The following FYN variants were observed in gnomAD, a reference collection of about 807,000 sequenced individuals.
FYN encodes FYN proto-oncogene, Src family tyrosine kinase.
In FYN, 10 loss-of-function variants were observed where a neutral mutation model predicts 70.2. The ratio of observed to expected loss-of-function variants is 0.14; its 90% CI spans 0.09 to 0.24. The LOEUF (loss-of-function observed/expected upper bound fraction) is 0.24. FYN is among the 10% of genes least tolerant of loss of function. FYN has a pLI of 1.00. For missense variants in FYN, 319 were observed against 673.1 expected, an observed-to-expected ratio of 0.47 and a Z score of 5.82; for synonymous variants, 236 against 248.6, an observed-to-expected ratio of 0.95 and a Z score of 0.48.
intron 2 of FYN, among the ~76,000 whole-genome samples, chr6:111,822,125 A>G (rs1772683442): frequency 6.6e-6 from 1 of 152,228 alleles, no homozygotes; most frequent in Non-Finnish European, 1.5e-5. Flanking sequence ...CCATCCCATT[A>G]CTGGGTATAT....
chr6:111,709,051 C>T (rs1373013231), intron 5 of FYN: 1 of 152,160 alleles, frequency 6.6e-6, no homozygotes, highest in Non-Finnish European at 1.5e-5. Flanking sequence ...TCTGCAGAAC[C>T]TTCCACCAGC....
chr6:111,708,426 G>C (rs1257742675), intron 5 of FYN, among the ~76,000 whole-genome samples: 1 of 152,116 alleles, frequency 6.6e-6, no homozygotes, highest in East Asian at 1.9e-4. Context: ...AGGTCAATAT[G>C]AGCTGCACAG....
At chr6:111,844,914 T>C (rs1773475241) in intron 2 of FYN, 3 of 152,260 alleles carry the variant, frequency 2.0e-5, no homozygotes, top group Admixed American at 2.0e-4. Flanking sequence ...CTTGGTCCTG[T>C]GAAAGGGACC....
rs369898600 is a variant in FYN, at chr6:111,704,194, C to T, written c.444-92G>A. 6 of 964,524 alleles carry T rather than the reference C, an allele frequency of 6.2e-6. No individual in the cohort carries two copies. The Admixed American group carries it at 8.7e-5, about 14-fold the overall frequency. The allele number at this position is 964,524 out of a possible 1,614,324, so 59.7% of individuals were successfully genotyped here. A position where few individuals can be genotyped will look rare whatever the true frequency, so the allele number is the denominator to read the frequency against. The stretch of plus-strand genomic sequence containing the variant: ...TTTTTTTTTGCCCATGAATTCCCCT[C>T]TCCTCCAATTTAGTCCTTAACCTTT... On this transcript the variant is annotated intron_variant, in intron 6 of 13. Coordinates refer to ENST00000354650, the MANE Select transcript of FYN (RefSeq NM_002037.5).
intron 1 of FYN, among the ~76,000 whole-genome samples, chr6:111,855,469 C>T (rs1467681946): frequency 2.0e-5 from 3 of 152,140 alleles, no homozygotes; most frequent in Non-Finnish European, 4.4e-5. Flanking sequence ...GTGGCTATAT[C>T]CTATCGAATG....
intron 3 of FYN, among the ~76,000 whole-genome samples, chr6:111,753,899 C>A (rs1276573458): frequency 6.6e-6 from 1 of 152,164 alleles, no homozygotes; most frequent in Non-Finnish European, 1.5e-5. Flanking sequence ...AGTTGCTTAA[C>A]AAACCAAGCT....
intron 3 of FYN, among the ~76,000 whole-genome samples, chr6:111,755,065 GA>G (rs887722724): frequency 2.0e-5 from 3 of 151,256 alleles, no homozygotes; most frequent in African/African-American, 7.3e-5. Context: ...AGATGGTAAA[GA>G]ATATCTTGAC....
chr6:111,724,020 T>A (rs1487375729), intron 3 of FYN, among the ~76,000 whole-genome samples: 1 of 152,180 alleles, frequency 6.6e-6, no homozygotes, highest in Non-Finnish European at 1.5e-5. Context: ...GATCAAGGTG[T>A]CTGGATTACA....
chr6:111,851,879 T>C (rs1245709287), intron 1 of FYN, among the ~76,000 whole-genome samples: 1 of 149,396 alleles, frequency 6.7e-6, no homozygotes, highest in Non-Finnish European at 1.5e-5. Context: ...GGTTCAGTTT[T>C]GCCAAATCTT....
chr6:111,662,241 T>C (rs531283502), intron 13 of FYN, among the ~76,000 whole-genome samples: 2 of 152,260 alleles, frequency 1.3e-5, no homozygotes, highest in African/African-American at 4.8e-5. Flanking sequence ...AAGGCGCAAC[T>C]ACATCTATAG....
intron 3 of FYN, among the ~76,000 whole-genome samples, chr6:111,768,743 C>T (rs1803327176): frequency 6.6e-6 from 1 of 152,182 alleles, no homozygotes. Context: ...TCTCAGTCAA[C>T]TATTAATATT....
In FYN at chr6:111,694,459, G is replaced by A. The variant is rs1287004633; in HGVS notation, c.1189C>T (p.Leu397=). 2 of 1,614,222 alleles carry A rather than the reference G, an allele frequency of 1.2e-6. No homozygotes were observed. The highest frequency in any genetic ancestry group is 1.7e-6 in the Non-Finnish European group (2 of 1,180,044). ...TTGCATATGAGTCCATTCCCCACTA[G>A]AATGTTTGCTGATCGCAGATCTCTA... ...IHRDLRSANI[L]VGNGLICKIA... Residue 397 remains leucine, a synonymous_variant, in exon 12 of 14, where the codon CTA becomes TTA. Coordinates refer to ENST00000354650, the MANE Select transcript of FYN (RefSeq NM_002037.5). This position sits in a 1 kb window ranked among gnomAD's most constrained non-coding sequence, Gnocchi z 5.0.
chr6:111,683,200 G>A (rs1798848556), intron 12 of FYN, among the ~76,000 whole-genome samples: 2 of 152,238 alleles, frequency 1.3e-5, no homozygotes, highest in Non-Finnish European at 2.9e-5. Context: ...TGGTGGCACT[G>A]CCTTTAGGAA....
chr6:111,816,298 T>G (rs1772487607), intron 2 of FYN, among the ~76,000 whole-genome samples: 1 of 152,142 alleles, frequency 6.6e-6, no homozygotes, highest in Non-Finnish European at 1.5e-5. Flanking sequence ...AAATAAGTCT[T>G]CCTTATGACA....
rs2114519673 is a variant in FYN at position 111,861,345 on chromosome 6, G to A, written c.-123+11623C>T. Among the ~76,000 whole-genome samples the A allele has an allele frequency of 1.3e-5, 2 of 152,250 alleles. 1 individual carries two copies. The highest frequency in any genetic ancestry group is 4.1e-4 in the South Asian group (2 of 4,824). ...TGAGCAGAATGAATAAATACATGAA[G>A]TGGTAACATTATATGCCAGCAAAGG... is the stretch of plus-strand genomic sequence containing the variant. On this transcript the variant is annotated intron_variant, in intron 1 of 13. Coordinates refer to ENST00000354650, the MANE Select transcript of FYN (RefSeq NM_002037.5).
In FYN at chr6:111,873,446, A is replaced by G. The variant is rs1401517949; in HGVS notation, c.-601T>C. ...CGGCTGCTCGCTGCTACTCTTGCTG[A>G]TGCTCTGCCCCTCCAGCTCCGGAGG... On this transcript the variant is annotated 5_prime_UTR_variant, in exon 1 of 14. Coordinates refer to ENST00000354650, the MANE Select transcript of FYN (RefSeq NM_002037.5). 1 of 151,554 alleles carries G rather than the reference A, an allele frequency of 6.6e-6. No individual in the cohort carries two copies. Among genetic ancestry groups the G allele is most frequent in the Non-Finnish European group, 1.5e-5 (1 of 67,874 alleles). The allele number at this position is 151,554 out of a possible 1,614,324, so 9.4% of individuals were successfully genotyped here. A position where few individuals can be genotyped will look rare whatever the true frequency, so the allele number is the denominator to read the frequency against.
At chr6:111,835,179 T>C (rs1269321180) in intron 2 of FYN, among the ~76,000 whole-genome samples, 3 of 152,238 alleles carry the variant, frequency 2.0e-5, no homozygotes, top group Non-Finnish European at 4.4e-5. Flanking sequence ...ATTTCAATTT[T>C]TCTCAACTAT....
In FYN at chr6:111,719,615, A is replaced by G. The variant is rs1213716420; in HGVS notation, c.247+190T>C. 87 of 650,762 alleles carry G rather than the reference A, an allele frequency of 1.3e-4. No homozygotes were observed. The East Asian group carries it at 2.5e-3, about 18-fold the overall frequency. 40.3% of individuals were successfully genotyped at this position (650,762 alleles called of 1,614,324 possible). ...AACTTGGGGCACCTTGCAACCCTGTAGCCAAGCATTTTGTTTGTACATCAA... is the reference window on the plus strand; with the variant it reads ...AACTTGGGGCACCTTGCAACCCTGTGGCCAAGCATTTTGTTTGTACATCAA... On this transcript the variant is annotated intron_variant, in intron 4 of 13. Transcript: ENST00000354650.
chr6:111,802,049 C>T (rs1772002423), intron 2 of FYN, among the ~76,000 whole-genome samples: 1 of 152,214 alleles, frequency 6.6e-6, no homozygotes, highest in Admixed American at 6.5e-5. Context: ...CAATGCAATA[C>T]TGATATGGTT....
Sources: allele counts gnomAD v4.1 joint callset (sites outside exome capture counted in the v4.1 genomes callset), GRCh38; gene constraint gnomAD v4.1.1; non-coding constraint Gnocchi (gnomAD v3.1); transcripts MANE v1.5; gene names NCBI Gene and HGNC (gene_info 2026-07-23, HGNC 2026-07-21).